The following ZNF589 variants were observed in gnomAD, a reference collection of about 807,000 sequenced individuals.
ZNF589 encodes KRAB-zinc finger protein SZF1-1.
Under a neutral mutation model 13.6 loss-of-function variants are expected in ZNF589, and 17 were observed. The observed-to-expected ratio is 1.25, with a 90% CI of 0.86 to 1.88. The LOEUF is 1.88. Among genes scored for constraint, ZNF589 ranks in the 40% most tolerant of loss-of-function variants. The probability of loss-of-function intolerance (pLI) is 0.00; values close to 1 mark genes in which losing one functional copy is unlikely to be tolerated. For missense variants in ZNF589, 407 were observed against 434.0 expected (o/e 0.94, Z 0.55); for synonymous variants, 148 against 161.6 (o/e 0.92, Z 0.64).
At chr3:48,265,534 C>T (rs536896369) in intron 3 of ZNF589, among the ~76,000 whole-genome samples, 1 of 151,908 alleles carries the variant, frequency 6.6e-6, no homozygotes, top group Non-Finnish European at 1.5e-5. Context: ...TGATCCCACC[C>T]TCATTGTTCT....
intron 1 of ZNF589, among the ~76,000 whole-genome samples, chr3:48,246,859 G>T (rs1482953929): frequency 1.3e-5 from 2 of 151,294 alleles, no homozygotes; most frequent in African/African-American, 4.9e-5. Context: ...CAGTAGAGAT[G>T]GGGTTTCACT....
intron 3 of ZNF589, among the ~76,000 whole-genome samples, chr3:48,264,949 A>G (rs1482503378): frequency 2.0e-5 from 3 of 151,990 alleles, no homozygotes; most frequent in African/African-American, 4.8e-5. Flanking sequence ...TGTCTTTTGG[A>G]TGGATGGGGG....
intron 1 of ZNF589, among the ~76,000 whole-genome samples, chr3:48,241,495 G>A (rs553568973): frequency 1.3e-5 from 2 of 152,360 alleles, no homozygotes; most frequent in African/African-American, 4.8e-5. Context: ...TGAGATGTGT[G>A]GAGTGCAACT....
intron 3 of ZNF589, among the ~76,000 whole-genome samples, chr3:48,266,764 G>A (rs1035997392): frequency 1.3e-5 from 2 of 152,108 alleles, no homozygotes; most frequent in Non-Finnish European, 2.9e-5. Flanking sequence ...ACCCACAGCC[G>A]AATCTATTCT....
At position 48,270,243 on chromosome 3, in the gene ZNF589, C is replaced by T; in HGVS notation, c.*1457C>T. ...CTGAGGGACACCTTTACCAGGTCCCCTTCCTAACCCTCCAGTCCCAAATCC... is the reference window on the plus strand; with the variant it reads ...CTGAGGGACACCTTTACCAGGTCCCTTTCCTAACCCTCCAGTCCCAAATCC... On this transcript the variant is annotated 3_prime_UTR_variant, in exon 4 of 4. Transcript: ENST00000354698. 1 of 457,248 alleles carries T rather than the reference C, an allele frequency of 2.2e-6. No individual in the cohort carries two copies. The highest frequency in any genetic ancestry group is 1.5e-5 in the South Asian group (1 of 64,570). 28.3% of individuals were successfully genotyped at this position (457,248 alleles called of 1,614,324 possible). A position where few individuals can be genotyped will look rare whatever the true frequency, so the allele number is the denominator to read the frequency against.
Position 48,269,446 on chromosome 3 carries a change from G to C in ZNF589, c.*660G>C. 1 of 439,022 alleles carries C rather than the reference G, an allele frequency of 2.3e-6. No individual in the cohort carries two copies. Among genetic ancestry groups the C allele is most frequent in the Non-Finnish European group, 4.3e-6 (1 of 231,064 alleles). The allele number at this position is 439,022 out of a possible 1,614,324, so 27.2% of individuals were successfully genotyped here. ...CACATTCAGGGGAGAAGCCTTATGT[G>C]TGTGGGGAATGTGGGCGGGGATTTG... On this transcript the variant is annotated 3_prime_UTR_variant, in exon 4 of 4. Transcript: ENST00000354698.
Position 48,268,493 on chromosome 3 carries a change from A to G in ZNF589, c.802A>G (p.Arg268Gly), listed in dbSNP as rs770707034. Residue 268 changes from arginine to glycine, a missense_variant, in exon 4 of 4, where the codon AGG (arginine) becomes GGG (glycine). By Grantham distance (125) the Arg-to-Gly change is moderately radical. Transcript: ENST00000354698. Reference protein sequence around the residue: ...SRKSQLIIHQRTHTGEKPYVC... With the variant: ...SRKSQLIIHQGTHTGEKPYVC... The stretch of plus-strand genomic sequence containing the variant: ...GAAGTCACAGCTCATCATACACCAG[A>G]GGACACACACAGGAGAAAAGCCTTA... 6.2e-7 allele frequency: 1 copy of G among 1,613,490 alleles called. No individual in the cohort carries two copies. Among genetic ancestry groups the G allele is most frequent in the African/African-American group, 1.3e-5 (1 of 74,788 alleles).
At chr3:48,247,253 C>T (rs1263735013) in intron 1 of ZNF589, among the ~76,000 whole-genome samples, 2 of 151,802 alleles carry the variant, frequency 1.3e-5, no homozygotes, top group Non-Finnish European at 1.5e-5. Context: ...GTATTATAGG[C>T]GTGTGCCACT....
chr3:48,247,558 C>G (rs2033782440), intron 1 of ZNF589, 67 bp from the exon 2 acceptor site: 4 of 1,586,386 alleles, frequency 2.5e-6, no homozygotes, highest in Non-Finnish European at 3.5e-6. Flanking sequence ...GCTCAGAGGG[C>G]TCTTGGGGAT....
intron 2 of ZNF589, among the ~76,000 whole-genome samples, chr3:48,255,487 CT>C (rs1230659894): frequency 0.035 from 2,909 of 82,752 alleles, 39 homozygotes; most frequent in African/African-American, 0.12. Flanking sequence ...AGAGTTTTTA[CT>C]TTTTTTTTTT....
chr3:48,252,131 A>T (rs2033844856), intron 2 of ZNF589, among the ~76,000 whole-genome samples: 1 of 152,172 alleles, frequency 6.6e-6, no homozygotes, highest in African/African-American at 2.4e-5. Flanking sequence ...GCTCCTCACT[A>T]ATGTAGTAGC....
At chr3:48,258,629 A>T (rs186894175) in intron 2 of ZNF589, among the ~76,000 whole-genome samples, 1 of 152,382 alleles carries the variant, frequency 6.6e-6, no homozygotes. Flanking sequence ...TTGCTTAGTT[A>T]TAGCAAATTG....
At chr3:48,256,402 G>C (rs2033903553) in intron 2 of ZNF589, 1 of 567,964 alleles carries the variant, frequency 1.8e-6, no homozygotes, top group South Asian at 1.4e-5. Flanking sequence ...CCTCAGGAGG[G>C]TTGACCCCAA....
intron 1 of ZNF589, among the ~76,000 whole-genome samples, chr3:48,245,660 A>T (rs2033754662): frequency 6.6e-6 from 1 of 152,200 alleles, no homozygotes; most frequent in African/African-American, 2.4e-5. Flanking sequence ...AAGATATGGA[A>T]GAGAAGGCTG....
intron 1 of ZNF589, among the ~76,000 whole-genome samples, chr3:48,246,087 C>T (rs775810402): frequency 6.6e-6 from 1 of 152,014 alleles, no homozygotes; most frequent in Non-Finnish European, 1.5e-5. Flanking sequence ...CCAATGTGGG[C>T]AGATCACTTA....
chr3:48,252,617 C>CTT (rs71625863), intron 2 of ZNF589, among the ~76,000 whole-genome samples: 170 of 97,304 alleles, frequency 1.7e-3, no homozygotes, highest in East Asian at 2.3e-3. Flanking sequence ...AGAATAATAT[C>CTT]TTTTTTTTTT....
At chr3:48,248,748 CTG>C (rs1245034504) in intron 2 of ZNF589, among the ~76,000 whole-genome samples, 5 of 152,184 alleles carry the variant, frequency 3.3e-5, no homozygotes, top group Non-Finnish European at 7.3e-5. Flanking sequence ...ACAGCTAAAA[CTG>C]TAAAATAGTA....
In ZNF589 at chr3:48,270,056, G is replaced by A. The variant is rs769083720; in HGVS notation, c.*1270G>A. 2.6e-5 allele frequency: 12 copies of A among 457,140 alleles called. No individual in the cohort carries two copies. The highest frequency in any genetic ancestry group is 4.8e-5 in the Non-Finnish European group (11 of 227,118). 28.3% of individuals were successfully genotyped at this position (457,140 alleles called of 1,614,324 possible). On this transcript the variant is annotated 3_prime_UTR_variant, in exon 4 of 4. Coordinates refer to ENST00000354698, the MANE Select transcript of ZNF589 (RefSeq NM_016089.3). ...GTGTCAAGTGACGGTCCCCTTGGAG[G>A]AATGGTCTTTGCATCTGACTACTTC...
chr3:48,261,450 A>G (rs1307525801), intron 3 of ZNF589, among the ~76,000 whole-genome samples: 1 of 152,218 alleles, frequency 6.6e-6, no homozygotes, highest in Non-Finnish European at 1.5e-5. Context: ...GTTGGAGTAC[A>G]GAGAACAAGG....
Sources: gnomAD v4.1 joint callset for allele counts (sites outside exome capture counted in the v4.1 genomes callset) on GRCh38, gnomAD v4.1.1 for gene constraint, MANE v1.5 for transcripts, NCBI Gene and HGNC (gene_info 2026-07-23, HGNC 2026-07-21) for gene names.